CSMD1: variants seen among roughly 807,000 people sequenced by gnomAD.
CSMD1 encodes the protein CUB and sushi domain-containing protein 1.
CSMD1 carries 213 observed loss-of-function variants against 417.5 expected under a neutral mutation model. The ratio of observed to expected loss-of-function variants is 0.51; its 90% CI spans 0.46 to 0.57. CSMD1 has a LOEUF of 0.57. Among genes scored for constraint, CSMD1 ranks in the 20% least tolerant of loss-of-function variants. The pLI is 0.00. For missense variants in CSMD1, 6,923 were observed against 4,529.7 expected, an observed-to-expected ratio of 1.53 and a Z score of -15.17; for synonymous variants, 2,862 against 1,736.8, an observed-to-expected ratio of 1.65 and a Z score of -16.11.
chr8:4,865,477 C>G (rs1422329431), intron 1 of CSMD1, among the ~76,000 whole-genome samples: 2 of 151,742 alleles, frequency 1.3e-5, no homozygotes, highest in Admixed American at 6.6e-5. Context: ...ATATACACAG[C>G]TTCAGTAGGT....
chr8:4,409,409 C>G (rs909825110), intron 3 of CSMD1, among the ~76,000 whole-genome samples: 3 of 152,026 alleles, frequency 2.0e-5, no homozygotes, highest in Non-Finnish European at 2.9e-5. Context: ...TGATTTTCAC[C>G]CCATATTCTT....
intron 10 of CSMD1, among the ~76,000 whole-genome samples, chr8:3,540,811 G>A (rs139539141): frequency 6.6e-6 from 1 of 152,178 alleles, no homozygotes; most frequent in Non-Finnish European, 1.5e-5. Context: ...GTAAAGAAGT[G>A]CAAATCAAAA....
intron 6 of CSMD1, among the ~76,000 whole-genome samples, chr8:3,728,463 G>C (rs1401245179): frequency 6.6e-6 from 1 of 152,162 alleles, no homozygotes; most frequent in Non-Finnish European, 1.5e-5. Context: ...TTCTGTGTTA[G>C]GTTTATCGTA....
chr8:2,989,471 T>A (rs987202838), intron 54 of CSMD1, among the ~76,000 whole-genome samples: 2 of 152,192 alleles, frequency 1.3e-5, no homozygotes, highest in African/African-American at 4.8e-5. Flanking sequence ...TCCTCCTCCA[T>A]CCCCTGCTTC....
intron 1 of CSMD1, among the ~76,000 whole-genome samples, chr8:4,846,438 AG>A (rs1801151263): frequency 6.6e-6 from 1 of 152,146 alleles, no homozygotes; most frequent in Non-Finnish European, 1.5e-5. Flanking sequence ...CTTGTCCTTG[AG>A]GTTTTGGCAG....
intron 1 of CSMD1, among the ~76,000 whole-genome samples, chr8:4,761,839 C>CCA (rs1563318713): frequency 3.8e-3 from 223 of 59,358 alleles, no homozygotes; most frequent in African/African-American, 0.01. Context: ...TACCATGCAT[C>CCA]TATCTATCTA....
At chr8:3,779,440 G>C (rs977812855) in intron 5 of CSMD1, among the ~76,000 whole-genome samples, 1 of 152,078 alleles carries the variant, frequency 6.6e-6, no homozygotes, top group Non-Finnish European at 1.5e-5. Context: ...GATCGTTTAA[G>C]TTGTCATTTT....
intron 2 of CSMD1, among the ~76,000 whole-genome samples, chr8:4,529,015 C>G (rs1197420036): frequency 3.9e-5 from 6 of 152,028 alleles, no homozygotes; most frequent in Non-Finnish European, 1.5e-5. Context: ...AAATCATTTT[C>G]TTTGTGATGA....
chr8:3,364,399 G>A (rs78054422), intron 20 of CSMD1, among the ~76,000 whole-genome samples: 8,269 of 152,246 alleles, frequency 0.054, 273 homozygotes, highest in East Asian at 0.17. Flanking sequence ...TACTGGTTAT[G>A]TTTAAATGAA....
At chr8:4,908,615 A>G in intron 1 of CSMD1, among the ~76,000 whole-genome samples, 1 of 148,320 alleles carries the variant, frequency 6.7e-6, no homozygotes, top group Non-Finnish European at 1.5e-5. Flanking sequence ...TCAAGCTCCG[A>G]GTCTTTTCTA....
rs142731051 is a variant in CSMD1 at position 3,266,133 on chromosome 8, G to T, written c.4153+18011C>A. Among the ~76,000 whole-genome samples, 16 of 151,436 alleles carry T rather than the reference G, an allele frequency of 1.1e-4. No individual in the cohort carries two copies. The East Asian group carries it at 3.2e-3, about 30-fold the overall frequency. ...AAAGAGAGAGTATGTGCAGAAAGCA[G>T]ACCTGATGTCCTGAGACCAACCCTC... On this transcript the variant is annotated intron_variant, in intron 26 of 69. Transcript: ENST00000635120.
At chr8:3,264,235 C>T (rs370310054) in intron 26 of CSMD1, among the ~76,000 whole-genome samples, 10 of 152,112 alleles carry the variant, frequency 6.6e-5, no homozygotes, top group Non-Finnish European at 1.0e-4. Flanking sequence ...ACATTCTCTG[C>T]GAATTCACCA....
At chr8:4,690,859 G>T (rs1486864834) in intron 1 of CSMD1, among the ~76,000 whole-genome samples, 1 of 152,150 alleles carries the variant, frequency 6.6e-6, no homozygotes, top group Non-Finnish European at 1.5e-5. Context: ...CTCCTGAGCA[G>T]CTGGGACTAT....
intron 29 of CSMD1, among the ~76,000 whole-genome samples, chr8:3,215,054 T>A (rs2116821131): frequency 6.6e-6 from 1 of 152,286 alleles, no homozygotes; most frequent in Admixed American, 6.5e-5. Flanking sequence ...CTGGAAAAAT[T>A]GAGGTTCATT....
rs113997703 is a variant in CSMD1 at position 4,429,832 on chromosome 8, G to C, written c.303-9767C>G. On this transcript the variant is annotated intron_variant, in intron 2 of 69. Transcript: ENST00000635120. ...ATCATACCCAGGATCTCATTGGCTC[G>C]GGAAGAAATCCACGCCCATTCAGTT... is the stretch of plus-strand genomic sequence containing the variant. 4.4e-3 allele frequency among the ~76,000 whole-genome samples: 663 copies of C among 152,120 alleles called. 6 individuals are homozygous for C. Among genetic ancestry groups the C allele is most frequent in the African/African-American group, 0.015 (641 of 41,466 alleles).
chr8:3,897,557 T>C (rs1001159535), intron 5 of CSMD1, among the ~76,000 whole-genome samples: 1 of 151,684 alleles, frequency 6.6e-6, no homozygotes, highest in Non-Finnish European at 1.5e-5. Flanking sequence ...AATAAATGCA[T>C]ACAAAACTAC....
intron 1 of CSMD1, among the ~76,000 whole-genome samples, chr8:4,866,139 C>T (rs1217867057): frequency 6.6e-6 from 1 of 151,912 alleles, no homozygotes; most frequent in East Asian, 1.9e-4. Flanking sequence ...ATTATGTCAT[C>T]CTATGCTGCA....
At chr8:4,058,875 C>T (rs977817069) in intron 3 of CSMD1, among the ~76,000 whole-genome samples, 2 of 151,680 alleles carry the variant, frequency 1.3e-5, no homozygotes, top group Non-Finnish European at 2.9e-5. Flanking sequence ...CAACATTAGA[C>T]AGATCAACGA....
intron 3 of CSMD1, among the ~76,000 whole-genome samples, chr8:4,095,797 A>G (rs182117934): frequency 6.6e-6 from 1 of 152,300 alleles, no homozygotes; most frequent in Admixed American, 6.5e-5. Context: ...TTATATATGT[A>G]TTTGTATGCA....
Sources: allele counts gnomAD v4.1 joint callset (sites outside exome capture counted in the v4.1 genomes callset), GRCh38; gene constraint gnomAD v4.1.1; transcripts MANE v1.5; gene names NCBI Gene and HGNC (gene_info 2026-07-23, HGNC 2026-07-21).